TBC1D2: variants seen among roughly 807,000 people sequenced by gnomAD.
TBC1D2 encodes TBC1 domain family member 2, also known as TBC1 domain family member 2A.
Under a neutral mutation model 91.1 loss-of-function variants are expected in TBC1D2, and 58 were observed. The ratio of observed to expected loss-of-function variants is 0.64; its 90% CI spans 0.52 to 0.79. The LOEUF (loss-of-function observed/expected upper bound fraction) is 0.79. Ranked by LOEUF, TBC1D2 falls within the 30% of genes least tolerant of loss-of-function variation. The pLI, the probability that TBC1D2 is intolerant of heterozygous loss-of-function variation, is 0.00. For missense variants in TBC1D2, 1,080 were observed against 1,208.3 expected (o/e 0.89, Z 1.57); for synonymous variants, 482 against 511.5 (o/e 0.94, Z 0.78).
At chr9:98,241,418 C>T (rs1829633179) in intron 3 of TBC1D2, among the ~76,000 whole-genome samples, 1 of 152,142 alleles carries the variant, frequency 6.6e-6, no homozygotes, top group African/African-American at 2.4e-5. Context: ...AGTTCCAAGA[C>T]CAGCCAGAGC....
intron 6 of TBC1D2, among the ~76,000 whole-genome samples, chr9:98,215,574 C>T (rs186970671): frequency 6.6e-6 from 1 of 152,304 alleles, no homozygotes; most frequent in Admixed American, 6.5e-5. Flanking sequence ...GTGGCGTGAT[C>T]ATAGCTCATG....
At chr9:98,217,547 A>G (rs1036565557) in intron 6 of TBC1D2, among the ~76,000 whole-genome samples, 1 of 152,226 alleles carries the variant, frequency 6.6e-6, no homozygotes, top group African/African-American at 2.4e-5. Context: ...TCTCAAAACC[A>G]AAGTCTGAAT....
At chr9:98,237,889 C>CT (rs535564380) in intron 3 of TBC1D2, among the ~76,000 whole-genome samples, 112 of 142,204 alleles carry the variant, frequency 7.9e-4, no homozygotes, top group South Asian at 1.1e-3. Flanking sequence ...AATATTAAGT[C>CT]TTTTTTTTTT....
At chr9:98,243,953 G>A (rs1319252819) in intron 3 of TBC1D2, 41 bp downstream of exon 3, 2 of 1,578,338 alleles carry the variant, frequency 1.3e-6, no homozygotes, top group East Asian at 2.3e-5. Context: ...TGAAGGGGCT[G>A]CCTGCAGCTT....
Position 98,208,818 on chromosome 9 carries a change from G to T in TBC1D2, c.2000C>A (p.Ala667Asp). Residue 667 changes from alanine (A) to aspartate (D), a missense_variant, in exon 9 of 13, where the codon GCC (alanine) becomes GAC (aspartate). Physicochemically the swap from Ala to Asp is moderately radical, Grantham distance 126 (BLOSUM62 -2). Coordinates refer to ENST00000465784, the MANE Select transcript of TBC1D2 (RefSeq NM_001267571.2). ...SRGQAREHPA[A>D]RQIELDLNRT... is the part of the protein sequence containing the mutation. ...GTTCAGGTCCAGCTCAATCTGGCGGGCAGCAGGGTGCTCGCGGGCCTGGCC... is the reference window on the plus strand; with the variant it reads ...GTTCAGGTCCAGCTCAATCTGGCGGTCAGCAGGGTGCTCGCGGGCCTGGCC... 6.2e-7 allele frequency: 1 copy of T among 1,605,084 alleles called. No homozygotes were observed. The highest frequency in any genetic ancestry group is 2.2e-5 in the East Asian group (1 of 44,646).
chr9:98,228,594 C>T lies in TBC1D2; in HGVS notation c.978+358G>A, dbSNP rs916827192. Reference sequence around the variant, plus strand: ...TCGGCTGCCAGGTCAAAGTTCCCCCCAGTTCTATCGACAGCCCCTCCCATG... The same window carrying T: ...TCGGCTGCCAGGTCAAAGTTCCCCCTAGTTCTATCGACAGCCCCTCCCATG... On this transcript the variant is annotated intron_variant, in intron 5 of 12. Transcript: ENST00000465784. This position sits in a 1 kb window ranked among gnomAD's most constrained non-coding sequence, Gnocchi z 4.0. Among the ~76,000 whole-genome samples the T allele has an allele frequency of 3.3e-5, 5 of 152,154 alleles. No homozygotes were observed. Among genetic ancestry groups the T allele is most frequent in the African/African-American group, 7.2e-5 (3 of 41,428 alleles).
At chr9:98,230,414 A>T (rs1829338423) in intron 4 of TBC1D2, among the ~76,000 whole-genome samples, 2 of 152,216 alleles carry the variant, frequency 1.3e-5, no homozygotes. Flanking sequence ...ACTCATTTGC[A>T]GGAGTATGCA....
At chr9:98,203,490 T>A in intron 9 of TBC1D2, 82 bp from the exon 10 acceptor site, 1 of 1,570,998 alleles carries the variant, frequency 6.4e-7, no homozygotes, top group Non-Finnish European at 8.6e-7. Context: ...GCTTCCTGGG[T>A]TCCAGGGGGA....
intron 3 of TBC1D2, among the ~76,000 whole-genome samples, chr9:98,241,807 A>T (rs562844028): frequency 2.5e-4 from 38 of 151,618 alleles, no homozygotes; most frequent in African/African-American, 7.7e-4. Context: ...ACATCCACTC[A>T]CCCTGGAGGG....
intron 8 of TBC1D2, 95 bp from the exon 9 acceptor site, chr9:98,209,239 C>T (rs1828748715): frequency 8.2e-7 from 1 of 1,218,958 alleles, no homozygotes; most frequent in East Asian, 2.3e-5. Context: ...AGGTTCCTGC[C>T]CTGCCTTCAC....
At position 98,200,302 on chromosome 9, in the gene TBC1D2, C is replaced by T. The variant is rs1299183607; in HGVS notation, c.2530G>A (p.Glu844Lys). Residue 844 changes from glutamate to lysine, a missense_variant, in exon 12 of 13, where the codon GAA becomes AAA. Glu to Lys is a moderately conservative substitution (Grantham distance 56). Transcript: ENST00000465784. ...AAGAAGCGCAGGTACTGGTAGATTT[C>T]CAGGCCATTCTGTAGCCTCAAGATC... ...KEILRLQNGL[E>K]IYQYLRFFTK... 2.5e-6 allele frequency: 4 copies of T among 1,613,668 alleles called. No homozygotes were observed. In the African/African-American group the frequency reaches 4.0e-5, roughly 16 times the overall value.
chr9:98,214,857 T>A lies in TBC1D2; in HGVS notation c.1375-1639A>T, dbSNP rs12348328. ...CCCAGGGGAGGGAACGAATGCCCCC[T>A]GTTGACTTTATCACATCACCCCTCA... On this transcript the variant is annotated intron_variant, in intron 6 of 12. Coordinates refer to ENST00000465784, the MANE Select transcript of TBC1D2 (RefSeq NM_001267571.2). Among the ~76,000 whole-genome samples, 313 of 152,018 alleles carry A rather than the reference T, an allele frequency of 2.1e-3. 1 individual carries two copies. Among genetic ancestry groups the A allele is most frequent in the African/African-American group, 7.1e-3 (293 of 41,422 alleles).
At chr9:98,249,992 C>T (rs976393523) in intron 2 of TBC1D2, among the ~76,000 whole-genome samples, 2 of 151,972 alleles carry the variant, frequency 1.3e-5, no homozygotes, top group African/African-American at 4.8e-5. Flanking sequence ...TAAGGGCTAG[C>T]GGGTGGAGAT....
intron 3 of TBC1D2, among the ~76,000 whole-genome samples, chr9:98,236,800 A>G (rs1829515839): frequency 6.6e-6 from 1 of 152,194 alleles, no homozygotes; most frequent in Admixed American, 6.5e-5. Context: ...TTGGTTCTTT[A>G]CACTGGTGAG....
At chr9:98,213,425 T>C (rs1828899286) in intron 6 of TBC1D2, 2 of 1,371,236 alleles carry the variant, frequency 1.5e-6, no homozygotes, top group Non-Finnish European at 1.9e-6. Flanking sequence ...AAGGGACCAG[T>C]AGGTCTGAAT....
At chr9:98,234,154 C>T (rs914741476) in intron 3 of TBC1D2, among the ~76,000 whole-genome samples, 1 of 152,152 alleles carries the variant, frequency 6.6e-6, no homozygotes, top group African/African-American at 2.4e-5. Flanking sequence ...TACTTCGCAG[C>T]GGGGTCACCC....
At chr9:98,217,075 A>G (rs1303159569) in intron 6 of TBC1D2, among the ~76,000 whole-genome samples, 1 of 152,222 alleles carries the variant, frequency 6.6e-6, no homozygotes, top group Admixed American at 6.5e-5. Flanking sequence ...GGGAAGGCAC[A>G]GACATGCCGG....
intron 3 of TBC1D2, among the ~76,000 whole-genome samples, chr9:98,237,059 G>T (rs573532768): frequency 6.6e-6 from 1 of 152,048 alleles, no homozygotes; most frequent in Non-Finnish European, 1.5e-5. Flanking sequence ...GACTTTGGCC[G>T]GGTGCAGTGG....
chr9:98,225,241 G>T (rs1171386158), intron 5 of TBC1D2, among the ~76,000 whole-genome samples: 1 of 152,166 alleles, frequency 6.6e-6, no homozygotes, highest in Non-Finnish European at 1.5e-5. Context: ...CTTCAGGCTG[G>T]GTGGAGTTCT....
Sources: gnomAD v4.1 joint callset for allele counts (sites outside exome capture counted in the v4.1 genomes callset) on GRCh38, gnomAD v4.1.1 for gene constraint, Gnocchi (gnomAD v3.1) non-coding constraint, MANE v1.5 for transcripts, NCBI Gene and HGNC (gene_info 2026-07-23, HGNC 2026-07-21) for gene names.